Variants in MATN1 observed in about 807,000 individuals in gnomAD.
The protein encoded by MATN1 is matrilin 1, also known as matrilin-1.
A neutral mutation model predicts 41.3 loss-of-function variants in MATN1; 34 were observed. The ratio of observed to expected loss-of-function variants is 0.82; its 90% CI spans 0.63 to 1.10. The LOEUF is 1.10. Among genes scored for constraint, MATN1 ranks in the 50% least tolerant of loss-of-function variants. MATN1 has a pLI of 0.00. For synonymous variants in MATN1, 264 were observed against 278.7 expected (o/e 0.95, Z 0.53); for missense variants, 602 against 662.4 (o/e 0.91, Z 1.00).
At chr1:30,716,968 A>G in intron 3 of MATN1, 53 bp from the exon 4 acceptor site, 1 of 1,548,790 alleles carries the variant, frequency 6.5e-7, no homozygotes, top group Non-Finnish European at 8.7e-7. Flanking sequence ...CTTGGGCACT[A>G]CAGACAGGTT....
In MATN1 at chr1:30,718,972, G is replaced by A. The variant is rs2124157404; in HGVS notation, c.442-15C>T. Reference sequence around the variant, plus strand: ...ACGATGACCACCTGCGACACGCGGGGCGGTGTGACACCGGGCTCCCGGAAG... The same window carrying A: ...ACGATGACCACCTGCGACACGCGGGACGGTGTGACACCGGGCTCCCGGAAG... On this transcript the variant is annotated splice_polypyrimidine_tract_variant and intron_variant, in intron 2 of 7. Transcript: ENST00000373765. 6.7e-7 allele frequency: 1 copy of A among 1,485,208 alleles called. No homozygotes were observed. Among genetic ancestry groups the A allele is most frequent in the Non-Finnish European group, 9.0e-7 (1 of 1,116,318 alleles). 92.0% of individuals were successfully genotyped at this position (1,485,208 alleles called of 1,614,324 possible).
At chr1:30,717,874 C>CCT (rs1639640052) in intron 3 of MATN1, among the ~76,000 whole-genome samples, 1 of 152,092 alleles carries the variant, frequency 6.6e-6, no homozygotes, top group Non-Finnish European at 1.5e-5. Context: ...AGGATGGTCT[C>CCT]GATCTCCTGA....
chr1:30,720,171 T>C (rs1326812031), intron 2 of MATN1: 1 of 152,196 alleles, frequency 6.6e-6, no homozygotes, highest in Non-Finnish European at 1.5e-5. Flanking sequence ...GCTTTCAGAT[T>C]GTCCACCTTG....
At chr1:30,716,433 C>T in intron 4 of MATN1, 108 bp from the exon 5 acceptor site, 1 of 1,174,714 alleles carries the variant, frequency 8.5e-7, no homozygotes, top group South Asian at 1.4e-5. Flanking sequence ...AGGATCATTA[C>T]ATTGTGCCCT....
rs910307820 is a variant in MATN1 at position 30,719,003 on chromosome 1, G to A, written c.442-46C>T. On this transcript the variant is annotated intron_variant, in intron 2 of 7. Coordinates refer to ENST00000373765, the MANE Select transcript of MATN1 (RefSeq NM_002379.3). ...TGACACCGGGCTCCCGGAAGCCCAC[G>A]GGACTGTCCAGGAGAGGAGGCTGAG... is the stretch of plus-strand genomic sequence containing the variant. The A allele has an allele frequency of 8.5e-6, 12 of 1,410,952 alleles. No individual in the cohort carries two copies. The African/African-American group carries it at 8.7e-5, about 10-fold the overall frequency. 87.4% of individuals were successfully genotyped at this position (1,410,952 alleles called of 1,614,324 possible).
At chr1:30,713,713 C>T in intron 7 of MATN1, 82 bp from the exon 8 acceptor site, 3 of 1,022,230 alleles carry the variant, frequency 2.9e-6, no homozygotes, top group South Asian at 2.7e-5. Flanking sequence ...GCCCCTGCAA[C>T]ACCCCACTAC....
At chr1:30,719,048 C>T in intron 2 of MATN1, 91 bp from the exon 3 acceptor site, 1 of 1,063,736 alleles carries the variant, frequency 9.4e-7, no homozygotes, top group Non-Finnish European at 1.3e-6. Flanking sequence ...GGCGGGAGGA[C>T]TGCCGGGTCG....
rs10531531 is a variant in MATN1, at chr1:30,713,377, G to GCACACACACACA, written c.*193_*204dup. The GCACACACACACA allele has an allele frequency of 9.1e-6, 5 of 551,794 alleles. No homozygotes were observed. The African/African-American group carries it at 9.6e-5, about 11-fold the overall frequency. The allele number at this position is 551,794 out of a possible 1,614,324, so 34.2% of individuals were successfully genotyped here. On this transcript the variant is annotated 3_prime_UTR_variant, in exon 8 of 8. Transcript: ENST00000373765. The stretch of plus-strand genomic sequence containing the variant: ...CTCATGCCCACCCTCAGGCGCACGT[G>GCACACACACACA]CACACACACACACACACACACACAT...
chr1:30,723,382 A>G (rs1214828898), intron 1 of MATN1, 76 bp downstream of exon 1: 1 of 1,148,948 alleles, frequency 8.7e-7, no homozygotes, highest in South Asian at 1.7e-5. Context: ...TCCCTGCCAT[A>G]TCGGTACCCA....
intron 5 of MATN1, 122 bp downstream of exon 5, chr1:30,715,786 CA>C: frequency 1.0e-6 from 1 of 967,018 alleles, no homozygotes; most frequent in Non-Finnish European, 1.5e-6. Flanking sequence ...CAATCCTCCT[CA>C]TTCAAACTCA....
Position 30,716,782 on chromosome 1 carries a change from C to A in MATN1, c.790+8G>T, listed in dbSNP as rs1421537452. On this transcript the variant is annotated splice_region_variant and intron_variant, in intron 4 of 7. Transcript: ENST00000373765. ...TCTCCAGGGCGAGCCTGTGTCCACCCCACTGACCATTGCAGGTCTTGCCGT... is the reference window on the plus strand; with the variant it reads ...TCTCCAGGGCGAGCCTGTGTCCACCACACTGACCATTGCAGGTCTTGCCGT... The A allele has an allele frequency of 1.2e-6, 2 of 1,613,382 alleles. No individual in the cohort carries two copies. The highest frequency in any genetic ancestry group is 1.7e-5 in the Admixed American group (1 of 60,002).
rs531611722 is a variant in MATN1, at chr1:30,718,221, T to C, written c.664+514A>G. On this transcript the variant is annotated intron_variant, in intron 3 of 7. Transcript: ENST00000373765. ...CTGATGTGGCCCCGCCCCCCGACGC[T>C]GACTTTTTCTGTCTTCACTTTAGCG... 1.5e-3 allele frequency among the ~76,000 whole-genome samples: 217 copies of C among 144,646 alleles called. 1 individual carries two copies. The highest frequency in any genetic ancestry group is 5.4e-3 in the African/African-American group (206 of 38,184). The allele number at this position is 144,646 out of a possible 152,430, so 94.9% of individuals were successfully genotyped here.
chr1:30,714,277 C>G lies in MATN1; in HGVS notation c.1411G>C (p.Glu471Gln), dbSNP rs774124762. The G allele has an allele frequency of 3.1e-6, 5 of 1,610,918 alleles. No homozygotes were observed. Among genetic ancestry groups the G allele is most frequent in the Non-Finnish European group, 4.2e-6 (5 of 1,178,616 alleles). ...CTGGTCAGGGCCTGCAGCAGCCCCT[C>G]CACTTTGGCTTGGAATTTCACCAGG... ...ESLVKFQAKVEGLLQALTRKL... is the reference protein window; with the variant it reads ...ESLVKFQAKVQGLLQALTRKL... Residue 471 changes from glutamate to glutamine, a missense_variant, in exon 7 of 8, where the codon GAG becomes CAG. Transcript: ENST00000373765.
In MATN1 at chr1:30,713,645, T is replaced by G; in HGVS notation, c.1442-14A>C. 1.3e-6 allele frequency: 2 copies of G among 1,552,538 alleles called. No homozygotes were observed. Among genetic ancestry groups the G allele is most frequent in the Non-Finnish European group, 1.7e-6 (2 of 1,147,270 alleles). ...TCACAGCTTCCAGTGGACTCAGAGT[T>G]AAGGAGAGGTGCAGGTTGGCCAGAG... On this transcript the variant is annotated splice_polypyrimidine_tract_variant and intron_variant, in intron 7 of 7. Coordinates refer to ENST00000373765, the MANE Select transcript of MATN1 (RefSeq NM_002379.3).
chr1:30,716,065 C>T lies in MATN1; in HGVS notation c.1051G>A (p.Gly351Ser). ...AVRNMSYMEKGTMTGAALKYL... is the reference protein window; with the variant it reads ...AVRNMSYMEKSTMTGAALKYL... ...TTGAGAGCAGCCCCAGTCATTGTGC[C>T]CTTCTCCATGTAGGACATATTCCGC... The change falls in exon 5 of 8, where the codon GGC becomes AGC. Residue 351 changes from glycine (G) to serine (S), a missense_variant. Transcript: ENST00000373765. The T allele has an allele frequency of 6.2e-7, 1 of 1,614,228 alleles. No homozygotes were observed.
chr1:30,716,408 C>G (rs1639619477), intron 4 of MATN1, 83 bp from the exon 5 acceptor site: 2 of 1,383,910 alleles, frequency 1.4e-6, no homozygotes, highest in African/African-American at 1.4e-5. Context: ...CCACCACACA[C>G]CAAGCTCTGT....
chr1:30,713,321 T>G lies in MATN1; in HGVS notation c.*261A>C. On this transcript the variant is annotated 3_prime_UTR_variant, in exon 8 of 8. Coordinates refer to ENST00000373765, the MANE Select transcript of MATN1 (RefSeq NM_002379.3). ...AGTCCCTCTCACACTCACCCCTGCATTATCACTCTCACACTCACATTCTGG... is the reference window on the plus strand; with the variant it reads ...AGTCCCTCTCACACTCACCCCTGCAGTATCACTCTCACACTCACATTCTGG... 4.1e-5 allele frequency: 21 copies of G among 514,320 alleles called. No individual in the cohort carries two copies. The highest frequency in any genetic ancestry group is 1.2e-4 in the East Asian group (4 of 32,594). The allele number at this position is 514,320 out of a possible 1,614,324, so 31.9% of individuals were successfully genotyped here.
At chr1:30,721,266 C>CTCTCTGACCCTG in intron 2 of MATN1, 139 bp downstream of exon 2, 1 of 852,852 alleles carries the variant, frequency 1.2e-6, no homozygotes, top group Non-Finnish European at 1.8e-6. Context: ...ATGACCGCCC[C>CTCTCTGACCCTG]TCTCTGACCC....
chr1:30,716,812 G>A lies in MATN1; in HGVS notation c.768C>T (p.Asn256=). 1.2e-6 allele frequency: 2 copies of A among 1,613,940 alleles called. No individual in the cohort carries two copies. The highest frequency in any genetic ancestry group is 1.7e-6 in the Non-Finnish European group (2 of 1,179,958). Residue 256 remains asparagine, a synonymous_variant, in exon 4 of 8, where the codon AAC becomes AAT. Coordinates refer to ENST00000373765, the MANE Select transcript of MATN1 (RefSeq NM_002379.3). ...GACCATTGCAGGTCTTGCCGTCGCTGTTCAGAGTGAAGCCCTCGTGGCAGG... is the reference window on the plus strand; with the variant it reads ...GACCATTGCAGGTCTTGCCGTCGCTATTCAGAGTGAAGCCCTCGTGGCAGG... ...TCACHEGFTL[N]SDGKTCNVCS... is the part of the protein sequence containing the mutation.
Sources: gnomAD v4.1 joint callset for allele counts (sites outside exome capture counted in the v4.1 genomes callset) on GRCh38, gnomAD v4.1.1 for gene constraint, MANE v1.5 for transcripts, NCBI Gene and HGNC (gene_info 2026-07-23, HGNC 2026-07-21) for gene names.